The following LUZP2 variants were observed in gnomAD, a reference collection of about 807,000 sequenced individuals.
LUZP2 encodes leucine zipper protein 2.
A neutral mutation model predicts 51.6 loss-of-function variants in LUZP2; 52 were observed. That is an observed-to-expected ratio of 1.01 (90% CI 0.81 to 1.27). The LOEUF (loss-of-function observed/expected upper bound fraction) is 1.27, where lower values mean the gene tolerates loss of function less well. LUZP2 is among the 50% of genes most tolerant of loss of function. The probability of loss-of-function intolerance (pLI) is 0.00; values close to 1 mark genes in which losing one functional copy is unlikely to be tolerated. For missense variants in LUZP2, 436 were observed against 395.4 expected, an observed-to-expected ratio of 1.10 and a Z score of -0.87; for synonymous variants, 154 against 137.3, an observed-to-expected ratio of 1.12 and a Z score of -0.85.
intron 5 of LUZP2, among the ~76,000 whole-genome samples, chr11:24,874,420 G>A (rs1405225363): frequency 6.6e-6 from 1 of 152,126 alleles, no homozygotes; most frequent in African/African-American, 2.4e-5. Context: ...GACCTCACAG[G>A]CAACAGTGGC....
At chr11:24,799,425 G>A (rs1034337764) in intron 5 of LUZP2, among the ~76,000 whole-genome samples, 15 of 151,714 alleles carry the variant, frequency 9.9e-5, no homozygotes, top group African/African-American at 2.4e-4. Flanking sequence ...GTGAAACCCC[G>A]TCCCTACTAA....
chr11:24,952,309 G>A (rs763190622), intron 7 of LUZP2, among the ~76,000 whole-genome samples: 12 of 151,648 alleles, frequency 7.9e-5, no homozygotes, highest in Non-Finnish European at 1.8e-4. Flanking sequence ...AGAATATAAT[G>A]TTGGCACGTG....
intron 9 of LUZP2, among the ~76,000 whole-genome samples, chr11:25,012,013 A>T (rs1012469484): frequency 3.3e-5 from 5 of 152,158 alleles, no homozygotes; most frequent in Admixed American, 6.6e-5. Flanking sequence ...AAAAGGCAGC[A>T]TTCCCTACCC....
intron 5 of LUZP2, among the ~76,000 whole-genome samples, chr11:24,815,098 GA>G (rs1452989226): frequency 6.6e-6 from 1 of 152,104 alleles, no homozygotes; most frequent in African/African-American, 2.4e-5. Context: ...TTGAGAATGG[GA>G]AACTGAATCT....
At chr11:24,706,272 G>A (rs1857579998) in intron 1 of LUZP2, among the ~76,000 whole-genome samples, 1 of 152,026 alleles carries the variant, frequency 6.6e-6, no homozygotes, top group East Asian at 1.9e-4. Context: ...ACTGCATAAC[G>A]TTTATTGAAT....
rs995186548 is a variant in LUZP2 at position 24,628,314 on chromosome 11, T to C, written c.63-100855T>C. On this transcript the variant is annotated intron_variant, in intron 1 of 11. Transcript: ENST00000336930. ...CTGGTCTTTGATCATTATGCTGTTTTGCTTTGTTCAAAACATTGCAAAAAT... is the reference window on the plus strand; with the variant it reads ...CTGGTCTTTGATCATTATGCTGTTTCGCTTTGTTCAAAACATTGCAAAAAT... Among the ~76,000 whole-genome samples the C allele has an allele frequency of 5.3e-5, 8 of 152,262 alleles. No individual in the cohort carries two copies. The East Asian group carries it at 1.2e-3, about 22-fold the overall frequency.
intron 1 of LUZP2, among the ~76,000 whole-genome samples, chr11:24,614,141 T>C (rs1425129619): frequency 6.6e-6 from 1 of 151,988 alleles, no homozygotes; most frequent in Non-Finnish European, 1.5e-5. Context: ...ATTCTACCTT[T>C]AAAACCTCTT....
At chr11:25,043,353 C>A (rs1858136438) in intron 9 of LUZP2, among the ~76,000 whole-genome samples, 1 of 151,938 alleles carries the variant, frequency 6.6e-6, no homozygotes, top group South Asian at 2.1e-4. Flanking sequence ...TTTTTTTAAT[C>A]CACACCTCCC....
At chr11:25,046,518 A>G (rs1316854675) in intron 9 of LUZP2, among the ~76,000 whole-genome samples, 2 of 152,162 alleles carry the variant, frequency 1.3e-5, no homozygotes, top group African/African-American at 2.4e-5. Context: ...AAAATCATAA[A>G]TAAATGATGA....
At chr11:24,580,175 T>C (rs1852797928) in intron 1 of LUZP2, among the ~76,000 whole-genome samples, 1 of 152,070 alleles carries the variant, frequency 6.6e-6, no homozygotes, top group African/African-American at 2.4e-5. Context: ...CCACAGATGT[T>C]TAGGCGCACA....
At chr11:24,804,628 A>G (rs893858082) in intron 5 of LUZP2, among the ~76,000 whole-genome samples, 2 of 152,138 alleles carry the variant, frequency 1.3e-5, no homozygotes, top group African/African-American at 2.4e-5. Flanking sequence ...TAGAGAATAA[A>G]GATGTTCATT....
At chr11:24,988,128 C>T (rs978482232) in intron 9 of LUZP2, among the ~76,000 whole-genome samples, 7 of 151,968 alleles carry the variant, frequency 4.6e-5, no homozygotes, top group Admixed American at 6.6e-5. Flanking sequence ...CAGAGGTGAT[C>T]AATTTTAAAC....
intron 7 of LUZP2, among the ~76,000 whole-genome samples, chr11:24,918,078 T>C (rs564508559): frequency 3.5e-3 from 537 of 152,160 alleles, no homozygotes; most frequent in Non-Finnish European, 6.0e-3. Context: ...TTCCTAGGTA[T>C]TGTATTCTCT....
chr11:24,885,510 G>A lies in LUZP2; in HGVS notation c.397-20481G>A, dbSNP rs1369275364. On this transcript the variant is annotated intron_variant, in intron 5 of 11. Transcript: ENST00000336930. ...AAGTCTAGTTGTCCTGATCCAAGAA[G>A]CCAGCCACTGTGCTGTATTATATGC... Among the ~76,000 whole-genome samples, 5 of 152,104 alleles carry A rather than the reference G, an allele frequency of 3.3e-5. No individual in the cohort carries two copies. The East Asian group carries it at 9.6e-4, about 29-fold the overall frequency.
rs1227263811 is a variant in LUZP2 at position 25,080,392 on chromosome 11, A to G, written c.*1734A>G. 1 of 152,178 alleles carries G rather than the reference A, an allele frequency of 6.6e-6. No individual in the cohort carries two copies. The highest frequency in any genetic ancestry group is 1.5e-5 in the Non-Finnish European group (1 of 68,028). The allele number at this position is 152,178 out of a possible 1,614,324, so 9.4% of individuals were successfully genotyped here. Reference sequence around the variant, plus strand: ...TATCTGAAATGCATTTCAGACTTACAATGTTTTCAACCTTTGACTTCTTTA... The same window carrying G: ...TATCTGAAATGCATTTCAGACTTACGATGTTTTCAACCTTTGACTTCTTTA... On this transcript the variant is annotated 3_prime_UTR_variant, in exon 12 of 12. Transcript: ENST00000336930.
At chr11:24,999,478 G>A (rs1055764905) in intron 9 of LUZP2, among the ~76,000 whole-genome samples, 1 of 150,626 alleles carries the variant, frequency 6.6e-6, no homozygotes, top group Non-Finnish European at 1.5e-5. Flanking sequence ...AGGAGAAAAA[G>A]AAGAAGAAGA....
At chr11:24,884,784 A>G (rs770898507) in intron 5 of LUZP2, among the ~76,000 whole-genome samples, 3 of 152,058 alleles carry the variant, frequency 2.0e-5, no homozygotes, top group Non-Finnish European at 4.4e-5. Context: ...GCTTCTCCAG[A>G]GACTTGTAGT....
chr11:24,940,738 C>A (rs563595775), intron 7 of LUZP2, among the ~76,000 whole-genome samples: 7 of 152,210 alleles, frequency 4.6e-5, no homozygotes, highest in South Asian at 4.1e-4. Flanking sequence ...CTAACCAATT[C>A]TTTTGGGTTC....
intron 1 of LUZP2, among the ~76,000 whole-genome samples, chr11:24,677,198 C>T (rs1258571115): frequency 6.6e-6 from 1 of 152,214 alleles, no homozygotes; most frequent in Non-Finnish European, 1.5e-5. Context: ...CAGCCGCCCT[C>T]ATGCTTCCAT....
Sources: allele counts gnomAD v4.1 joint callset (sites outside exome capture counted in the v4.1 genomes callset), GRCh38; gene constraint gnomAD v4.1.1; transcripts MANE v1.5; gene names NCBI Gene and HGNC (gene_info 2026-07-23, HGNC 2026-07-21).